SH3RF2: variants seen among roughly 807,000 people sequenced by gnomAD.
SH3RF2 encodes the protein E3 ubiquitin-protein ligase SH3RF2.
In SH3RF2, 43 loss-of-function variants were observed where a neutral mutation model predicts 59.0. The ratio of observed to expected loss-of-function variants is 0.73; its 90% CI spans 0.57 to 0.94. SH3RF2 has a LOEUF of 0.94. Ranked by LOEUF, SH3RF2 falls within the 40% of genes least tolerant of loss-of-function variation. SH3RF2 has a pLI of 0.00. For missense variants in SH3RF2, 930 were observed against 940.1 expected (o/e 0.99, Z 0.14); for synonymous variants, 391 against 391.5 (o/e 1.00, Z 0.01).
Position 146,060,110 on chromosome 5 carries a change from C to T in SH3RF2, c.1800C>T (p.Leu600=). The stretch of plus-strand genomic sequence containing the variant: ...GGATCCACTCCGCGGCCAGCTCCCT[C>T]ATTATGGAAGACAAAGAAATCCCCA... ...EAWIHSAASS[L]IMEDKEIPIK... The change falls in exon 9 of 10, where the codon CTC becomes CTT. Residue 600 remains leucine, a synonymous_variant. Transcript: ENST00000359120. The T allele has an allele frequency of 2.5e-6, 4 of 1,614,166 alleles. No individual in the cohort carries two copies. Among genetic ancestry groups the T allele is most frequent in the African/African-American group, 1.3e-5 (1 of 75,056 alleles).
intron 9 of SH3RF2, among the ~76,000 whole-genome samples, chr5:146,071,508 T>A (rs1036716429): frequency 6.6e-6 from 1 of 152,228 alleles, no homozygotes; most frequent in Non-Finnish European, 1.5e-5. Flanking sequence ...GAATTCTTTT[T>A]TAAGCGTAAG....
At chr5:146,026,136 G>T (rs1438468887) in intron 5 of SH3RF2, among the ~76,000 whole-genome samples, 1 of 152,192 alleles carries the variant, frequency 6.6e-6, no homozygotes, top group Non-Finnish European at 1.5e-5. Context: ...GGAGGAGGGG[G>T]TGATCTTGCC....
intron 2 of SH3RF2, among the ~76,000 whole-genome samples, chr5:145,961,425 T>TATTTCAGA (rs1453624703): frequency 6.6e-6 from 1 of 152,310 alleles, no homozygotes; most frequent in East Asian, 1.9e-4. Flanking sequence ...AGAGAGATAA[T>TATTTCAGA]ATTTCAGATA....
At chr5:145,993,079 A>C (rs569093819) in intron 2 of SH3RF2, among the ~76,000 whole-genome samples, 1 of 152,154 alleles carries the variant, frequency 6.6e-6, no homozygotes, top group African/African-American at 2.4e-5. Flanking sequence ...TGGGAGAAAT[A>C]GGCCAGAACA....
At chr5:146,068,824 A>G (rs1580955767) in intron 9 of SH3RF2, among the ~76,000 whole-genome samples, 1 of 152,118 alleles carries the variant, frequency 6.6e-6, no homozygotes. Flanking sequence ...TCCCCTTTTT[A>G]TTATTAAATG....
chr5:145,961,051 G>A lies in SH3RF2; in HGVS notation c.378+22745G>A, dbSNP rs929488261. 2.8e-4 allele frequency among the ~76,000 whole-genome samples: 42 copies of A among 152,114 alleles called. 1 individual carries two copies. Among genetic ancestry groups the A allele is most frequent in the African/African-American group, 9.4e-4 (39 of 41,424 alleles). ...AGTTTTGCTAACACATACTCCTACA[G>A]TGAACACCACCCAGCCTTGACTCTT... On this transcript the variant is annotated intron_variant, in intron 2 of 9. Transcript: ENST00000359120.
chr5:145,966,915 G>C (rs1212603516), intron 2 of SH3RF2, among the ~76,000 whole-genome samples: 1 of 152,108 alleles, frequency 6.6e-6, no homozygotes, highest in Non-Finnish European at 1.5e-5. Context: ...CCAGCTACTA[G>C]GGAGGCTGAG....
At chr5:146,009,369 C>A (rs1483515596) in intron 4 of SH3RF2, among the ~76,000 whole-genome samples, 1 of 152,172 alleles carries the variant, frequency 6.6e-6, no homozygotes, top group Non-Finnish European at 1.5e-5. Context: ...CTTCTCCTTA[C>A]ATGCTCTGTT....
chr5:145,957,057 CTT>C lies in SH3RF2; in HGVS notation c.378+18755_378+18756del, dbSNP rs1369842330. On this transcript the variant is annotated intron_variant, in intron 2 of 9. Transcript: ENST00000359120. ...AGTTGATTAAGAAAGCTTTGGCTGTCTTTTTCTTTTGAGACAGCCAATTCTTT... is the reference window on the plus strand; with the variant it reads ...AGTTGATTAAGAAAGCTTTGGCTGTCTTTCTTTTGAGACAGCCAATTCTTT... Among the ~76,000 whole-genome samples, 3 of 152,142 alleles carry C rather than the reference CTT, an allele frequency of 2.0e-5. No individual in the cohort carries two copies. In the East Asian group the frequency reaches 5.8e-4, roughly 29 times the overall value.
At chr5:146,026,121 G>C (rs1171745420) in intron 5 of SH3RF2, among the ~76,000 whole-genome samples, 1 of 152,202 alleles carries the variant, frequency 6.6e-6, no homozygotes, top group Non-Finnish European at 1.5e-5. Context: ...ACTACTAACA[G>C]ATATGGAGGA....
chr5:145,969,896 T>C (rs73312142), intron 2 of SH3RF2, among the ~76,000 whole-genome samples: 12,909 of 152,134 alleles, frequency 0.085, 1,863 homozygotes, highest in African/African-American at 0.29. Context: ...TGACCTTGCT[T>C]ATGAGGTAGC....
At chr5:146,020,675 A>G (rs1761286491) in intron 5 of SH3RF2, among the ~76,000 whole-genome samples, 1 of 152,204 alleles carries the variant, frequency 6.6e-6, no homozygotes, top group African/African-American at 2.4e-5. Context: ...CCACATATAT[A>G]TCTTACCAAC....
chr5:146,069,025 T>A (rs1250387182), intron 9 of SH3RF2, among the ~76,000 whole-genome samples: 1 of 152,160 alleles, frequency 6.6e-6, no homozygotes, highest in African/African-American at 2.4e-5. Flanking sequence ...CTATCCTGCA[T>A]CCCACACTTA....
intron 2 of SH3RF2, among the ~76,000 whole-genome samples, chr5:145,988,457 T>C (rs1315949426): frequency 6.6e-6 from 1 of 152,132 alleles, no homozygotes; most frequent in Non-Finnish European, 1.5e-5. Context: ...TTGCTGAGTT[T>C]GCTGCACAGG....
chr5:145,943,747 C>A (rs991839733), intron 2 of SH3RF2, among the ~76,000 whole-genome samples: 1 of 151,824 alleles, frequency 6.6e-6, no homozygotes, highest in Non-Finnish European at 1.5e-5. Context: ...GGTGTCTGGC[C>A]AAGCAGTGGA....
intron 4 of SH3RF2, among the ~76,000 whole-genome samples, chr5:146,007,284 CTG>C: frequency 6.6e-6 from 1 of 152,166 alleles, no homozygotes; most frequent in East Asian, 1.9e-4. Context: ...AGTTAGATGA[CTG>C]TGGATTCGAC....
chr5:145,993,439 C>A (rs1038337892), intron 2 of SH3RF2, among the ~76,000 whole-genome samples: 1 of 152,222 alleles, frequency 6.6e-6, no homozygotes, highest in African/African-American at 2.4e-5. Flanking sequence ...ATTGCCCTAG[C>A]AGAGGTTCTC....
chr5:145,998,997 T>C (rs1003337828), intron 2 of SH3RF2, among the ~76,000 whole-genome samples: 2 of 147,624 alleles, frequency 1.4e-5, no homozygotes, highest in African/African-American at 5.0e-5. Context: ...AAACAATATA[T>C]CTAACTTAAT....
chr5:146,059,843 C>T (rs369362556), intron 8 of SH3RF2, 23 bp from the exon 9 acceptor site: 264 of 1,404,110 alleles, frequency 1.9e-4, no homozygotes, highest in Non-Finnish European at 2.2e-4. Flanking sequence ...TGCTGCTGAT[C>T]TCTCTGTCCT....
Sources: gnomAD v4.1 joint callset for allele counts (sites outside exome capture counted in the v4.1 genomes callset) on GRCh38, gnomAD v4.1.1 for gene constraint, MANE v1.5 for transcripts, NCBI Gene and HGNC (gene_info 2026-07-23, HGNC 2026-07-21) for gene names.